ADAM12: variants seen among roughly 807,000 people sequenced by gnomAD.
The protein encoded by ADAM12 is ADAM metallopeptidase domain 12, also known as disintegrin and metalloproteinase domain-containing protein 12.
A neutral mutation model predicts 106.4 loss-of-function variants in ADAM12; 70 were observed. The observed-to-expected ratio is 0.66, with a 90% CI of 0.54 to 0.80. The LOEUF (loss-of-function observed/expected upper bound fraction) is 0.80. Among genes scored for constraint, ADAM12 ranks in the 30% least tolerant of loss-of-function variants. The probability of loss-of-function intolerance (pLI) is 0.00; values close to 1 mark genes in which losing one functional copy is unlikely to be tolerated. For synonymous variants in ADAM12, 420 were observed against 433.5 expected, an observed-to-expected ratio of 0.97 and a Z score of 0.39; for missense variants, 1,010 against 1,171.9, an observed-to-expected ratio of 0.86 and a Z score of 2.02.
At chr10:126,170,413 ATG>A (rs1450669475) in intron 3 of ADAM12, among the ~76,000 whole-genome samples, 1 of 145,586 alleles carries the variant, frequency 6.9e-6, no homozygotes, top group East Asian at 2.2e-4. Flanking sequence ...TTTGAAATGG[ATG>A]TGTTTTTCCT....
intron 3 of ADAM12, among the ~76,000 whole-genome samples, chr10:126,179,648 A>G (rs1182600656): frequency 6.6e-6 from 1 of 152,214 alleles, no homozygotes; most frequent in East Asian, 1.9e-4. Flanking sequence ...TTAATTCAAT[A>G]AACACTGAGT....
At chr10:126,324,843 A>C (rs1254605021) in intron 2 of ADAM12, among the ~76,000 whole-genome samples, 1 of 152,076 alleles carries the variant, frequency 6.6e-6, no homozygotes, top group Non-Finnish European at 1.5e-5. Context: ...CTCAGGGGTC[A>C]AAGCAGAATG....
At chr10:126,274,366 C>G (rs1262771375) in intron 3 of ADAM12, among the ~76,000 whole-genome samples, 1 of 152,196 alleles carries the variant, frequency 6.6e-6, no homozygotes, top group East Asian at 1.9e-4. Context: ...CCCACACGCT[C>G]AGGTGGCAGT....
At chr10:126,147,570 C>A (rs1456268591) in intron 4 of ADAM12, among the ~76,000 whole-genome samples, 1 of 152,212 alleles carries the variant, frequency 6.6e-6, no homozygotes, top group African/African-American at 2.4e-5. Context: ...CCCCCGCCAC[C>A]CCAAGTAAAA....
intron 3 of ADAM12, among the ~76,000 whole-genome samples, chr10:126,210,317 C>T (rs1957876420): frequency 6.6e-6 from 1 of 152,306 alleles, no homozygotes; most frequent in South Asian, 2.1e-4. Context: ...AATGTTATTG[C>T]ATCTACTCCT....
At chr10:126,051,579 A>ACCTG (rs1347637602) in intron 14 of ADAM12, among the ~76,000 whole-genome samples, 7 of 139,352 alleles carry the variant, frequency 5.0e-5, no homozygotes, top group Non-Finnish European at 7.6e-5. Flanking sequence ...CCATCCATCC[A>ACCTG]TCCATCCATC....
chr10:126,025,586 G>A (rs1056728082), intron 21 of ADAM12, among the ~76,000 whole-genome samples: 4 of 152,106 alleles, frequency 2.6e-5, no homozygotes, highest in Admixed American at 2.6e-4. Context: ...AAAGAGACGG[G>A]CAGAACAGAG....
At position 126,321,906 on chromosome 10, in the gene ADAM12, G is replaced by GC. The variant is rs1420271679; in HGVS notation, c.186+8505_186+8506insG. On this transcript the variant is annotated intron_variant, in intron 2 of 22. Transcript: ENST00000448723. ...TCGCTTAACTTTCTACCTGGGGGTC[G>GC]GGGGGGGGGCTTCAGCAACCTCATG... 1.8e-3 allele frequency among the ~76,000 whole-genome samples: 233 copies of GC among 127,254 alleles called. 2 individuals carry two copies. Among genetic ancestry groups the GC allele is most frequent in the African/African-American group, 6.1e-3 (225 of 37,168 alleles). The allele number at this position is 127,254 out of a possible 152,430, so 83.5% of individuals were successfully genotyped here.
At chr10:126,086,596 G>T (rs570935715) in intron 11 of ADAM12, among the ~76,000 whole-genome samples, 2 of 128,336 alleles carry the variant, frequency 1.6e-5, no homozygotes, top group Admixed American at 1.8e-4. Context: ...AGAATCATTT[G>T]AACCTGGGAT....
chr10:126,113,547 C>CACTT (rs1955910232), intron 6 of ADAM12, among the ~76,000 whole-genome samples: 6 of 137,780 alleles, frequency 4.4e-5, no homozygotes, highest in African/African-American at 1.9e-4. Flanking sequence ...GTAGTCCCAG[C>CACTT]TACTCGGGAG....
At chr10:126,190,141 T>C (rs1590591275) in intron 3 of ADAM12, among the ~76,000 whole-genome samples, 1 of 152,018 alleles carries the variant, frequency 6.6e-6, no homozygotes, top group East Asian at 1.9e-4. Flanking sequence ...CCTTCTCAGG[T>C]TGGGGCAGAG....
intron 1 of ADAM12, among the ~76,000 whole-genome samples, chr10:126,354,058 G>T (rs1360803204): frequency 2.0e-5 from 3 of 148,348 alleles, no homozygotes; most frequent in Non-Finnish European, 3.0e-5. Context: ...TAAAGAAAAA[G>T]ATATTTGCAT....
At chr10:126,034,014 G>T (rs1024950813) in intron 21 of ADAM12, among the ~76,000 whole-genome samples, 1 of 152,174 alleles carries the variant, frequency 6.6e-6, no homozygotes, top group Non-Finnish European at 1.5e-5. Flanking sequence ...ATTATGTTTG[G>T]CTGAAAGCAA....
At chr10:126,345,220 G>A (rs974050715) in intron 1 of ADAM12, among the ~76,000 whole-genome samples, 37 of 152,272 alleles carry the variant, frequency 2.4e-4, no homozygotes, top group African/African-American at 7.7e-4. Context: ...TTTATTGAGA[G>A]TTTTTAGCAT....
At chr10:126,178,408 C>CT (rs10549268) in intron 3 of ADAM12, among the ~76,000 whole-genome samples, 3,713 of 103,322 alleles carry the variant, frequency 0.036, 76 homozygotes, top group African/African-American at 0.067. Context: ...TGGAGGACAT[C>CT]TTTTTTTTTT....
At chr10:126,081,848 T>G (rs891408107) in intron 11 of ADAM12, among the ~76,000 whole-genome samples, 2 of 152,186 alleles carry the variant, frequency 1.3e-5, no homozygotes, top group African/African-American at 4.8e-5. Context: ...AATCCCCCCG[T>G]ATATGATAGT....
chr10:126,333,808 C>A (rs1012080954), intron 1 of ADAM12, among the ~76,000 whole-genome samples: 4 of 152,160 alleles, frequency 2.6e-5, no homozygotes, highest in Non-Finnish European at 4.4e-5. Context: ...CCCTTTTTGG[C>A]AAATATGTTT....
chr10:126,238,235 A>G (rs7906203), intron 3 of ADAM12, among the ~76,000 whole-genome samples: 27,157 of 152,184 alleles, frequency 0.18, 3,200 homozygotes, highest in African/African-American at 0.33. Context: ...ATCTCACCAC[A>G]TTGTGAGGCC....
At chr10:126,171,543 C>T (rs918427374) in intron 3 of ADAM12, among the ~76,000 whole-genome samples, 16 of 152,234 alleles carry the variant, frequency 1.1e-4, no homozygotes, top group South Asian at 4.1e-4. Flanking sequence ...AGCAATCTTA[C>T]AGCACTAGGC....
Sources: gnomAD v4.1 joint callset for allele counts (sites outside exome capture counted in the v4.1 genomes callset) on GRCh38, gnomAD v4.1.1 for gene constraint, MANE v1.5 for transcripts, NCBI Gene and HGNC (gene_info 2026-07-23, HGNC 2026-07-21) for gene names.